Variants in TCF7L2 observed in about 807,000 individuals in gnomAD.
The protein encoded by TCF7L2 is transcription factor 7 like 2, also known as transcription factor 7-like 2.
TCF7L2 carries 23 observed loss-of-function variants against 77.9 expected under a neutral mutation model. The ratio of observed to expected loss-of-function variants is 0.30; its 90% CI spans 0.21 to 0.42. The LOEUF (loss-of-function observed/expected upper bound fraction) is 0.42. TCF7L2 is among the 10% of genes least tolerant of loss of function. The probability of loss-of-function intolerance (pLI) is 1.00; values close to 1 mark genes in which losing one functional copy is unlikely to be tolerated. For synonymous variants in TCF7L2, 413 were observed against 340.2 expected (o/e 1.21, Z -2.36); for missense variants, 654 against 793.1 (o/e 0.82, Z 2.11).
intron 5 of TCF7L2, among the ~76,000 whole-genome samples, chr10:113,071,088 T>C (rs2057948021): frequency 1.3e-5 from 2 of 152,234 alleles, no homozygotes; most frequent in Admixed American, 1.3e-4. Context: ...GAAGGGTTTT[T>C]GATGGAATCT....
intron 5 of TCF7L2, chr10:113,089,252 T>A (rs1348595550): frequency 1.1e-6 from 1 of 916,602 alleles, no homozygotes; most frequent in African/African-American, 1.7e-5. Context: ...AGTTCTGATT[T>A]GTGCTGGGAA....
At chr10:113,107,128 G>T (rs1203249097) in intron 5 of TCF7L2, among the ~76,000 whole-genome samples, 4 of 152,198 alleles carry the variant, frequency 2.6e-5, no homozygotes, top group Non-Finnish European at 4.4e-5. Flanking sequence ...CATCATGGGA[G>T]TGAAACTCTC....
intron 5 of TCF7L2, among the ~76,000 whole-genome samples, chr10:113,089,768 G>C (rs987259603): frequency 6.6e-6 from 1 of 152,112 alleles, no homozygotes; most frequent in Non-Finnish European, 1.5e-5. Context: ...GGTGGTGCTC[G>C]CATGACTCCA....
intron 4 of TCF7L2, among the ~76,000 whole-genome samples, chr10:113,021,398 G>A (rs919668203): frequency 6.6e-6 from 1 of 152,046 alleles, no homozygotes; most frequent in Non-Finnish European, 1.5e-5. Context: ...CTGCATTGTT[G>A]GATAACAGCA....
At chr10:113,106,055 T>C (rs58587410) in intron 5 of TCF7L2, among the ~76,000 whole-genome samples, 2,216 of 152,288 alleles carry the variant, frequency 0.015, 52 homozygotes, top group African/African-American at 0.05. Flanking sequence ...AAATGGGCTC[T>C]GAGGTACTCC....
At chr10:113,129,883 A>G (rs1040587975) in intron 5 of TCF7L2, 2 of 1,290,622 alleles carry the variant, frequency 1.5e-6, no homozygotes, top group South Asian at 1.2e-5. Context: ...TAGGGACACA[A>G]TTTTAGTGGG....
intron 5 of TCF7L2, among the ~76,000 whole-genome samples, chr10:113,046,736 CTTCA>C (rs900904445): frequency 6.6e-6 from 1 of 152,136 alleles, no homozygotes; most frequent in Non-Finnish European, 1.5e-5. Flanking sequence ...ACGTAGCTTT[CTTCA>C]TTCATAAAGT....
intron 5 of TCF7L2, among the ~76,000 whole-genome samples, chr10:113,131,735 T>TC (rs1411803535): frequency 1.3e-5 from 2 of 152,206 alleles, no homozygotes; most frequent in African/African-American, 2.4e-5. Flanking sequence ...TAGGGAAACC[T>TC]CCCCTTTGTG....
intron 3 of TCF7L2, among the ~76,000 whole-genome samples, chr10:112,962,259 T>C (rs1170365286): frequency 1.3e-5 from 2 of 152,044 alleles, no homozygotes; most frequent in Non-Finnish European, 2.9e-5. Context: ...TCTGCAGGGA[T>C]TGTGGGAAGA....
intron 7 of TCF7L2, among the ~76,000 whole-genome samples, chr10:113,144,803 TA>T (rs1299231605): frequency 1.3e-5 from 2 of 152,202 alleles, no homozygotes; most frequent in African/African-American, 4.8e-5. Flanking sequence ...AACTGTGTTT[TA>T]AATTCAGAGT....
At chr10:113,008,096 A>G (rs1036324006) in intron 4 of TCF7L2, among the ~76,000 whole-genome samples, 8 of 152,058 alleles carry the variant, frequency 5.3e-5, no homozygotes, top group Non-Finnish European at 7.4e-5. Flanking sequence ...TCTCCACTTG[A>G]TCTCTTGCTG....
At chr10:112,996,343 C>A (rs1294994619) in intron 4 of TCF7L2, among the ~76,000 whole-genome samples, 1 of 152,072 alleles carries the variant, frequency 6.6e-6, no homozygotes, top group Non-Finnish European at 1.5e-5. Flanking sequence ...TTCGGTGATG[C>A]CCGAGGAGAG....
chr10:113,144,511 G>A (rs933772522), intron 7 of TCF7L2, among the ~76,000 whole-genome samples: 9 of 152,156 alleles, frequency 5.9e-5, no homozygotes, highest in African/African-American at 2.2e-4. Flanking sequence ...TCCAGGGTTG[G>A]GATTAGGGCA....
chr10:113,117,173 A>C (rs2063826909), intron 5 of TCF7L2, among the ~76,000 whole-genome samples: 1 of 152,236 alleles, frequency 6.6e-6, no homozygotes, highest in African/African-American at 2.4e-5. Flanking sequence ...TTCAGGGGGA[A>C]ACAAATAACT....
chr10:113,135,056 T>A (rs1256586878), intron 5 of TCF7L2, among the ~76,000 whole-genome samples: 1 of 152,234 alleles, frequency 6.6e-6, no homozygotes, highest in East Asian at 1.9e-4. Context: ...CAAGCTTTCA[T>A]TCCCTCTAGG....
At chr10:113,122,212 A>G (rs948952810) in intron 5 of TCF7L2, among the ~76,000 whole-genome samples, 4 of 152,230 alleles carry the variant, frequency 2.6e-5, no homozygotes, top group African/African-American at 7.2e-5. Flanking sequence ...CCTAGAACAT[A>G]ACAACCTTTC....
At chr10:112,960,342 C>CGTA (rs2134443706) in intron 3 of TCF7L2, among the ~76,000 whole-genome samples, 1 of 152,298 alleles carries the variant, frequency 6.6e-6, no homozygotes, top group African/African-American at 2.4e-5. Flanking sequence ...TTGGTCTTTA[C>CGTA]ATTGCTGAAG....
At chr10:113,154,892 G>A (rs1015122021) in intron 11 of TCF7L2, among the ~76,000 whole-genome samples, 4 of 151,974 alleles carry the variant, frequency 2.6e-5, no homozygotes, top group Admixed American at 1.3e-4. Flanking sequence ...TCACACTCAC[G>A]CCTTCCTTTT....
At chr10:113,148,100 A>G (rs1294766344) in intron 8 of TCF7L2, among the ~76,000 whole-genome samples, 1 of 152,176 alleles carries the variant, frequency 6.6e-6, no homozygotes, top group African/African-American at 2.4e-5. Context: ...TATTCATTCT[A>G]TTCAGCAGTG....
Sources: allele counts gnomAD v4.1 joint callset (sites outside exome capture counted in the v4.1 genomes callset), GRCh38; gene constraint gnomAD v4.1.1; transcripts MANE v1.5; gene names NCBI Gene and HGNC (gene_info 2026-07-23, HGNC 2026-07-21).